The following ZFHX3 variants were observed in gnomAD, a reference collection of about 807,000 sequenced individuals.
The protein encoded by ZFHX3 is zinc finger homeobox 3, also known as zinc finger homeobox protein 3.
Under a neutral mutation model 279.1 loss-of-function variants are expected in ZFHX3, and 42 were observed. That is an observed-to-expected ratio of 0.15 (90% CI 0.12 to 0.19). The LOEUF is 0.19. Among genes scored for constraint, ZFHX3 ranks in the 10% least tolerant of loss-of-function variants. ZFHX3 has a pLI of 1.00. For synonymous variants in ZFHX3, 2,293 were observed against 1,957.8 expected, an observed-to-expected ratio of 1.17 and a Z score of -4.52; for missense variants, 4,981 against 4,754.0, an observed-to-expected ratio of 1.05 and a Z score of -1.40.
chr16:73,280,800 G>C (rs2014436808), intron 4 of ZFHX3, among the ~76,000 whole-genome samples: 1 of 151,924 alleles, frequency 6.6e-6, no homozygotes, highest in African/African-American at 2.4e-5. Flanking sequence ...TGACCAACAT[G>C]GAGAAACCCC....
chr16:73,560,342 C>T (rs557392502), intron 2 of ZFHX3, among the ~76,000 whole-genome samples: 2 of 152,306 alleles, frequency 1.3e-5, no homozygotes, highest in Admixed American at 1.3e-4. Flanking sequence ...TTCTCAGGCC[C>T]ATTTGTGTTC....
intron 1 of ZFHX3, among the ~76,000 whole-genome samples, chr16:73,712,914 C>A (rs2053378493): frequency 6.6e-6 from 1 of 152,200 alleles, no homozygotes. Context: ...GCTTGAGGTC[C>A]TATGTACATT....
intron 2 of ZFHX3, among the ~76,000 whole-genome samples, chr16:73,535,265 A>G (rs2019879223): frequency 6.6e-6 from 1 of 152,194 alleles, no homozygotes; most frequent in Non-Finnish European, 1.5e-5. Flanking sequence ...ATAATTAGGA[A>G]GCAATCAGTT....
At chr16:73,803,985 C>G (rs142502902) in intron 1 of ZFHX3, among the ~76,000 whole-genome samples, 294 of 152,150 alleles carry the variant, frequency 1.9e-3, no homozygotes, top group African/African-American at 6.6e-3. Context: ...GGCAAAACCG[C>G]GTCTCTACAA....
intron 7 of ZFHX3, among the ~76,000 whole-genome samples, chr16:73,105,382 TACACAC>T (rs1188959195): frequency 7.4e-5 from 3 of 40,514 alleles, no homozygotes; most frequent in African/African-American, 2.0e-4. Context: ...TATATATATA[TACACAC>T]ACACACATAT....
At position 73,133,568 on chromosome 16, in the gene ZFHX3, C is replaced by T. The variant is rs185311882; in HGVS notation, c.-1023-2474G>A. Among the ~76,000 whole-genome samples the T allele has an allele frequency of 1.3e-3, 198 of 152,244 alleles. 2 individuals are homozygous for T. Among genetic ancestry groups the T allele is most frequent in the African/African-American group, 4.5e-3 (188 of 41,546 alleles). ...CGGACACAGACACATAGAGCAAAGA[C>T]CATGTGAACACTCTGGAGGAAGATG... On this transcript the variant is annotated intron_variant, in intron 6 of 17. Coordinates refer to the ZFHX3 transcript ENST00000641206.
At chr16:73,627,123 T>G (rs4888532) in intron 2 of ZFHX3, among the ~76,000 whole-genome samples, 1 of 152,090 alleles carries the variant, frequency 6.6e-6, no homozygotes, top group African/African-American at 2.4e-5. Context: ...ATCTTCCAAG[T>G]TAGAAGAATA....
intron 2 of ZFHX3, among the ~76,000 whole-genome samples, chr16:73,655,795 C>G (rs2052716238): frequency 1.3e-5 from 2 of 152,118 alleles, no homozygotes; most frequent in Admixed American, 6.6e-5. Context: ...CTTGCAAAAC[C>G]ATTTGACATT....
intron 1 of ZFHX3, among the ~76,000 whole-genome samples, chr16:73,031,992 A>C (rs1964720637): frequency 6.6e-6 from 1 of 152,144 alleles, no homozygotes; most frequent in South Asian, 2.1e-4. Flanking sequence ...GAGCCCCTAA[A>C]GAAAAAAAAA....
intron 2 of ZFHX3, among the ~76,000 whole-genome samples, chr16:73,642,346 C>G (rs1317873597): frequency 1.3e-5 from 2 of 152,172 alleles, no homozygotes; most frequent in East Asian, 1.9e-4. Flanking sequence ...AGGCTCCTGA[C>G]TTCAGAGGAC....
chr16:73,342,756 C>T (rs536267785), intron 3 of ZFHX3, among the ~76,000 whole-genome samples: 2 of 152,024 alleles, frequency 1.3e-5, no homozygotes, highest in African/African-American at 2.4e-5. Flanking sequence ...TCTGAATTTG[C>T]CTTTTTACTT....
intron 1 of ZFHX3, among the ~76,000 whole-genome samples, chr16:72,994,034 T>G (rs1370984466): frequency 2.6e-5 from 4 of 152,188 alleles, no homozygotes; most frequent in African/African-American, 9.7e-5. Flanking sequence ...CACCCCTCTA[T>G]TAACCTCTCC....
intron 4 of ZFHX3, among the ~76,000 whole-genome samples, chr16:73,275,473 G>C (rs888016779): frequency 1.7e-4 from 26 of 152,108 alleles, no homozygotes; most frequent in Admixed American, 9.8e-4. Context: ...GTCTTTTGGA[G>C]GTTTGTTTTT....
At chr16:73,873,719 A>C (rs1182106495) in intron 1 of ZFHX3, among the ~76,000 whole-genome samples, 1 of 152,224 alleles carries the variant, frequency 6.6e-6, no homozygotes, top group African/African-American at 2.4e-5. Context: ...AAAGGAAAAA[A>C]ATGCATATGA....
chr16:73,182,485 A>C (rs776427554), intron 5 of ZFHX3, among the ~76,000 whole-genome samples: 24 of 152,008 alleles, frequency 1.6e-4, no homozygotes, highest in Admixed American at 3.3e-4. Flanking sequence ...CAGTATGGAG[A>C]TCTCAAATAA....
chr16:72,923,408 G>A (rs1959251845), intron 3 of ZFHX3, among the ~76,000 whole-genome samples: 1 of 146,906 alleles, frequency 6.8e-6, no homozygotes, highest in African/African-American at 2.5e-5. Context: ...TCACACCACT[G>A]CACTCCAGCC....
At chr16:73,377,241 G>A (rs2016738474) in intron 3 of ZFHX3, among the ~76,000 whole-genome samples, 1 of 152,062 alleles carries the variant, frequency 6.6e-6, no homozygotes, top group Admixed American at 6.6e-5. Context: ...CAAAGTGCTG[G>A]GATTACAGGC....
chr16:73,093,503 T>G (rs755564803), exon 8 of ZFHX3: 3 of 502,886 alleles, frequency 6.0e-6, no homozygotes, highest in Non-Finnish European at 1.2e-5. Flanking sequence ...AGAGATGGAG[T>G]CATAGCTGCG....
rs544863006 is a variant in ZFHX3, at chr16:72,936,370, C to T, written c.3216+14099G>A. Among the ~76,000 whole-genome samples, 7 of 152,288 alleles carry T rather than the reference C, an allele frequency of 4.6e-5. No individual in the cohort carries two copies. In the East Asian group the frequency reaches 9.6e-4, roughly 21 times the overall value. ...AGGGACAGAGCTGTTAATGGGGCAA[C>T]GTAGGTCTCTGCTGTCTTGGCAGAC... On this transcript the variant is annotated intron_variant, in intron 3 of 9. Transcript: ENST00000268489.
Sources: gnomAD v4.1 joint callset for allele counts (sites outside exome capture counted in the v4.1 genomes callset) on GRCh38, gnomAD v4.1.1 for gene constraint, MANE v1.5 for transcripts, NCBI Gene and HGNC (gene_info 2026-07-23, HGNC 2026-07-21) for gene names.